Variants in TENM1 observed in about 807,000 individuals in gnomAD.
The protein encoded by TENM1 is teneurin-1.
TENM1 carries 35 observed loss-of-function variants against 174.8 expected under a neutral mutation model. The ratio of observed to expected loss-of-function variants is 0.20; its 90% CI spans 0.15 to 0.27. TENM1 has a LOEUF of 0.27. Ranked by LOEUF, TENM1 falls within the 10% of genes least tolerant of loss-of-function variation. The pLI is 1.00. For missense variants in TENM1, 1,633 were observed against 2,130.1 expected (o/e 0.77, Z 4.59); for synonymous variants, 781 against 798.7 (o/e 0.98, Z 0.37).
intron 4 of TENM1, among the ~76,000 whole-genome samples, chrX:124,720,854 A>G (rs1462924321): frequency 4.5e-5 from 5 of 111,696 alleles, no homozygotes; most frequent in Admixed American, 1.9e-4. Flanking sequence ...CTTCTTGCCT[A>G]TAGGAAATTC....
intron 15 of TENM1, among the ~76,000 whole-genome samples, chrX:124,534,411 T>A (rs1374768857): frequency 8.9e-6 from 1 of 112,033 alleles, no homozygotes; most frequent in African/African-American, 3.2e-5. Context: ...CGGTGTCAAA[T>A]CTCCGATATT....
At chrX:125,098,777 A>C in the TENM1 span, among the ~76,000 whole-genome samples, 1 of 112,084 alleles carries the variant, frequency 8.9e-6, no homozygotes, top group Non-Finnish European at 1.9e-5. Flanking sequence ...TTACCATCCA[A>C]TTCGTGTACA....
intron 11 of TENM1, among the ~76,000 whole-genome samples, chrX:124,569,527 T>C (rs2049012324): frequency 8.9e-6 from 1 of 112,320 alleles, no homozygotes; most frequent in Non-Finnish European, 1.9e-5. Flanking sequence ...CAAGTCTTGA[T>C]ATATTTAGAA....
chrX:124,878,957 T>G (rs1482290411), intron 3 of TENM1, among the ~76,000 whole-genome samples: 3 of 112,097 alleles, frequency 2.7e-5, no homozygotes, highest in Non-Finnish European at 5.6e-5. Context: ...AGCTTCTGAA[T>G]TTTCTTCTGG....
At chrX:125,058,503 A>G in the TENM1 span, among the ~76,000 whole-genome samples, 1 of 111,825 alleles carries the variant, frequency 8.9e-6, no homozygotes, top group Non-Finnish European at 1.9e-5. Flanking sequence ...TGTCTTGTAA[A>G]TAGATATGAA....
At chrX:124,679,578 C>G (rs1327077195) in intron 5 of TENM1, among the ~76,000 whole-genome samples, 3 of 111,809 alleles carry the variant, frequency 2.7e-5, no homozygotes, top group African/African-American at 9.7e-5. Context: ...TTACAGAAAC[C>G]AGGTTATCTT....
chrX:124,818,583 A>G (rs1035067579), intron 3 of TENM1, among the ~76,000 whole-genome samples: 5 of 111,120 alleles, frequency 4.5e-5, no homozygotes, highest in Non-Finnish European at 9.4e-5. Context: ...CAGGACATAC[A>G]CTCTTTATAA....
intron 25 of TENM1, among the ~76,000 whole-genome samples, chrX:124,409,590 G>C (rs1175810674): frequency 9.0e-6 from 1 of 110,616 alleles, no homozygotes; most frequent in Non-Finnish European, 1.9e-5. Flanking sequence ...AATTGTCCCT[G>C]TTTGCAGATG....
intron 1 of TENM1, among the ~76,000 whole-genome samples, chrX:124,902,738 C>T (rs2057683494): frequency 8.9e-6 from 1 of 112,621 alleles, no homozygotes; most frequent in African/African-American, 3.2e-5. Context: ...TCACTGAACA[C>T]CCACTCAATT....
chrX:124,541,429 C>A (rs1358468080), intron 15 of TENM1, among the ~76,000 whole-genome samples: 2 of 111,634 alleles, frequency 1.8e-5, no homozygotes, highest in Admixed American at 1.9e-4. Context: ...TTTGTCACCT[C>A]CTTCTCTCTT....
chrX:124,920,337 T>C (rs766074999), intron 1 of TENM1, among the ~76,000 whole-genome samples: 18 of 111,777 alleles, frequency 1.6e-4, no homozygotes, highest in African/African-American at 5.2e-4. Flanking sequence ...CTTTCCTGTG[T>C]TAGAACACGT....
At chrX:124,416,525 A>C (rs1044795193) in intron 25 of TENM1, among the ~76,000 whole-genome samples, 3 of 111,884 alleles carry the variant, frequency 2.7e-5, no homozygotes, top group Non-Finnish European at 5.6e-5. Context: ...TATATTTCTC[A>C]GCTATTATAA....
At chrX:124,402,370 AGAG>A (rs1179936126) in intron 27 of TENM1, among the ~76,000 whole-genome samples, 2 of 112,149 alleles carry the variant, frequency 1.8e-5, no homozygotes, top group Admixed American at 9.4e-5. Context: ...GATATAGAGA[AGAG>A]GGCCTTGAAT....
At chrX:124,865,252 A>AAG (rs2056981071) in intron 3 of TENM1, among the ~76,000 whole-genome samples, 1 of 112,207 alleles carries the variant, frequency 8.9e-6, no homozygotes, top group Non-Finnish European at 1.9e-5. Context: ...AACTACTCTT[A>AAG]TTCTAAGTAG....
chrX:124,416,395 T>C (rs764384971), intron 25 of TENM1, among the ~76,000 whole-genome samples: 2 of 112,280 alleles, frequency 1.8e-5, no homozygotes, highest in African/African-American at 3.2e-5. Context: ...TTTTTGAGGT[T>C]CATCCACATT....
chrX:124,778,023 T>C (rs1255138376), intron 3 of TENM1, among the ~76,000 whole-genome samples: 3 of 113,196 alleles, frequency 2.7e-5, no homozygotes, highest in Admixed American at 9.3e-5. Context: ...CCACAGGCCA[T>C]AGTTTGCTGA....
chrX:125,108,720 TTA>T, the TENM1 span, among the ~76,000 whole-genome samples: 16 of 96,954 alleles, frequency 1.7e-4, no homozygotes, highest in East Asian at 1.9e-3. Context: ...TTAAAAATGA[TTA>T]TATATATATA....
chrX:124,430,320 C>G (rs888964744), intron 23 of TENM1, among the ~76,000 whole-genome samples: 1 of 111,782 alleles, frequency 8.9e-6, no homozygotes, highest in Non-Finnish European at 1.9e-5. Flanking sequence ...CTTCAATGCA[C>G]TAGAAGGAAG....
chrX:124,501,845 G>A (rs1430705523), intron 19 of TENM1, among the ~76,000 whole-genome samples: 2 of 111,795 alleles, frequency 1.8e-5, no homozygotes, highest in African/African-American at 6.5e-5. Context: ...CGTGTCCAAG[G>A]TCAGGCTGAA....
Sources: allele counts gnomAD v4.1 joint callset (sites outside exome capture counted in the v4.1 genomes callset), GRCh38; gene constraint gnomAD v4.1.1; transcripts MANE v1.5; gene names NCBI Gene and HGNC (gene_info 2026-07-23, HGNC 2026-07-21).